The following HOGA1 variants were observed in gnomAD, a reference collection of about 807,000 sequenced individuals.
HOGA1 encodes 4-hydroxy-2-oxoglutarate aldolase, mitochondrial.
A neutral mutation model predicts 34.3 loss-of-function variants in HOGA1; 30 were observed. That is an observed-to-expected ratio of 0.87 (90% CI 0.65 to 1.19). HOGA1 has a LOEUF of 1.19. Ranked by LOEUF, HOGA1 falls within the 50% of genes most tolerant of loss-of-function variation. The pLI is 0.00. For missense variants in HOGA1, 417 were observed against 436.5 expected (o/e 0.96, Z 0.40); for synonymous variants, 161 against 174.0 (o/e 0.93, Z 0.59).
At chr10:97,610,829 A>C (rs2041189570) in intron 6 of HOGA1, among the ~76,000 whole-genome samples, 2 of 152,128 alleles carry the variant, frequency 1.3e-5, no homozygotes, top group South Asian at 4.1e-4. Context: ...TAAATGAATA[A>C]ATTATAACAA....
At position 97,611,530 on chromosome 10, in the gene HOGA1, C is replaced by T; in HGVS notation, c.855C>T (p.Ile285=). 6.2e-7 allele frequency: 1 copy of T among 1,614,242 alleles called. No homozygotes were observed. Among genetic ancestry groups the T allele is most frequent in the Non-Finnish European group, 8.5e-7 (1 of 1,180,036 alleles). ...TGCAGGTGACCCGGCGCTTTGGGAT[C>T]CCAGGGCTGAAGAAAATCATGGACT... ...PNAAVTRRFG[I]PGLKKIMDWF... is the part of the protein sequence containing the mutation. Residue 285 remains isoleucine (I), a synonymous_variant, in exon 7 of 7, where the codon ATC becomes ATT. Coordinates refer to ENST00000370646, the MANE Select transcript of HOGA1 (RefSeq NM_138413.4).
chr10:97,585,658 G>A (rs566545553), intron 1 of HOGA1, among the ~76,000 whole-genome samples: 3 of 152,170 alleles, frequency 2.0e-5, no homozygotes, highest in Middle Eastern at 6.3e-3. Flanking sequence ...AAGGTCATTC[G>A]GCTAACACAT....
intron 1 of HOGA1, among the ~76,000 whole-genome samples, chr10:97,593,029 C>CAAAAAAGAAAAAAAAAAAAAA (rs2041039343): frequency 2.1e-5 from 1 of 47,802 alleles, no homozygotes; most frequent in Non-Finnish European, 4.0e-5. Flanking sequence ...GACTCTGTCT[C>CAAAAAAGAAAAAAAAAAAAAA]AAAAAAAAAA....
At position 97,584,631 on chromosome 10, in the gene HOGA1, G is replaced by A. The variant is rs2040951575; in HGVS notation, c.-73G>A. On this transcript the variant is annotated 5_prime_UTR_variant, in exon 1 of 7. Coordinates refer to ENST00000370646, the MANE Select transcript of HOGA1 (RefSeq NM_138413.4). ...TAACTAGAAACATTGATCATTAATA[G>A]GGGGTTAGAAAGAGTTCAAACTAAG... 3.1e-6 allele frequency: 4 copies of A among 1,303,402 alleles called. No homozygotes were observed. The highest frequency in any genetic ancestry group is 4.3e-6 in the Non-Finnish European group (4 of 931,656). The allele number at this position is 1,303,402 out of a possible 1,614,324, so 80.7% of individuals were successfully genotyped here. A position where few individuals can be genotyped will look rare whatever the true frequency, so the allele number is the denominator to read the frequency against.
rs757208838 is a variant in HOGA1 at position 97,590,541 on chromosome 10, G to C, written c.211+5627G>C. The C allele has an allele frequency of 1.9e-6, 3 of 1,612,112 alleles. No individual in the cohort carries two copies. In the East Asian group the frequency reaches 6.7e-5, roughly 36 times the overall value. ...CACCATGGCCACCCAAGCCACCAGA[G>C]CCACAGCCTGCCTAATCGCAGACAC... is the stretch of plus-strand genomic sequence containing the variant. On this transcript the variant is annotated intron_variant, in intron 1 of 6. Transcript: ENST00000370646.
intron 2 of HOGA1, 25 bp from the exon 3 acceptor site, chr10:97,599,064 C>T (rs375709673): frequency 1.2e-6 from 2 of 1,611,274 alleles, no homozygotes; most frequent in South Asian, 1.1e-5. Flanking sequence ...TCTGCCTGCT[C>T]TCACCTCTCT....
At position 97,611,845 on chromosome 10, in the gene HOGA1, C is replaced by A. The variant is rs576078709; in HGVS notation, c.*186C>A. 1.4e-5 allele frequency: 9 copies of A among 633,022 alleles called. No homozygotes were observed. The highest frequency in any genetic ancestry group is 2.5e-5 in the Non-Finnish European group (9 of 363,566). The allele number at this position is 633,022 out of a possible 1,614,324, so 39.2% of individuals were successfully genotyped here. On this transcript the variant is annotated 3_prime_UTR_variant, in exon 7 of 7. Coordinates refer to ENST00000370646, the MANE Select transcript of HOGA1 (RefSeq NM_138413.4). ...CGCCCATGCATATCTCCTATTCTAA[C>A]GGCCCCTGACCTCTCCCTTTTGGAT... is the stretch of plus-strand genomic sequence containing the variant.
chr10:97,586,155 C>A lies in HOGA1; in HGVS notation c.211+1241C>A, dbSNP rs948407674. Among the ~76,000 whole-genome samples the A allele has an allele frequency of 1.9e-3, 274 of 141,158 alleles. 2 individuals carry two copies. Among genetic ancestry groups the A allele is most frequent in the African/African-American group, 6.8e-3 (261 of 38,234 alleles). 92.6% of individuals were successfully genotyped at this position (141,158 alleles called of 152,430 possible). ...CCATCTCAAAAAAAAAAAAAAAAAT[C>A]AAATCACATCTCTGGCACTGACTTA... On this transcript the variant is annotated intron_variant, in intron 1 of 6. Coordinates refer to ENST00000370646, the MANE Select transcript of HOGA1 (RefSeq NM_138413.4).
At chr10:97,599,440 A>C (rs1419437644) in intron 3 of HOGA1, 1 of 713,442 alleles carries the variant, frequency 1.4e-6, no homozygotes, top group Non-Finnish European at 2.4e-6. Flanking sequence ...ATAGGGTTGC[A>C]GTGAGCATTA....
intron 6 of HOGA1, chr10:97,602,629 T>A: frequency 2.1e-6 from 2 of 953,798 alleles, no homozygotes; most frequent in Non-Finnish European, 2.5e-6. Flanking sequence ...CCTTTGTTCC[T>A]TCCTTCCTCC....
intron 1 of HOGA1, chr10:97,590,101 G>C (rs1342243888): frequency 6.2e-7 from 1 of 1,614,124 alleles, no homozygotes; most frequent in Admixed American, 1.7e-5. Context: ...GGAGTGAAGA[G>C]GTCAGCTCCA....
intron 1 of HOGA1, 110 bp downstream of exon 1, chr10:97,585,024 C>T: frequency 1.2e-6 from 1 of 847,558 alleles, no homozygotes; most frequent in Non-Finnish European, 1.9e-6. Flanking sequence ...TAGTCTGGTA[C>T]TCAGTGGGTC....
rs955604684 is a variant in HOGA1, at chr10:97,603,245, C to A, written c.834+1255C>A. On this transcript the variant is annotated intron_variant, in intron 6 of 6. Coordinates refer to ENST00000370646, the MANE Select transcript of HOGA1 (RefSeq NM_138413.4). The surrounding 1 kb of genome is among the most constrained non-coding windows in gnomAD (Gnocchi z 4.5). Reference sequence around the variant, plus strand: ...CCTCAAACTCCTAACCTCAAGTGATCCTCCTGCCTCGGCCTCCCAATCTTT... The same window carrying A: ...CCTCAAACTCCTAACCTCAAGTGATACTCCTGCCTCGGCCTCCCAATCTTT... 6.6e-6 allele frequency among the ~76,000 whole-genome samples: 1 copy of A among 152,104 alleles called. No individual in the cohort carries two copies. Among genetic ancestry groups the A allele is most frequent in the Non-Finnish European group, 1.5e-5 (1 of 68,024 alleles).
chr10:97,587,290 T>G (rs557995673), intron 1 of HOGA1, among the ~76,000 whole-genome samples: 2 of 152,224 alleles, frequency 1.3e-5, no homozygotes, highest in African/African-American at 4.8e-5. Context: ...AAAGGTCCTC[T>G]GAAGAGGAGA....
chr10:97,590,471 G>T (rs1447679853), intron 1 of HOGA1: 1 of 1,613,638 alleles, frequency 6.2e-7, no homozygotes, highest in Non-Finnish European at 8.5e-7. Flanking sequence ...CACCATAGCT[G>T]GTGCCAATCA....
intron 1 of HOGA1, among the ~76,000 whole-genome samples, chr10:97,586,618 T>A (rs1256396134): frequency 1.3e-5 from 2 of 152,144 alleles, no homozygotes; most frequent in Admixed American, 1.3e-4. Context: ...AGCTTCAAGG[T>A]TCAAGGATGC....
Position 97,603,219 on chromosome 10 carries a change from G to T in HOGA1, c.834+1229G>T, listed in dbSNP as rs1259303252. 2.0e-5 allele frequency among the ~76,000 whole-genome samples: 3 copies of T among 152,014 alleles called. No individual in the cohort carries two copies. The highest frequency in any genetic ancestry group is 4.4e-5 in the Non-Finnish European group (3 of 68,010). Reference sequence around the variant, plus strand: ...GGGTTTCACCATGTTGGCCAGGCTGGCCTCAAACTCCTAACCTCAAGTGAT... The same window carrying T: ...GGGTTTCACCATGTTGGCCAGGCTGTCCTCAAACTCCTAACCTCAAGTGAT... On this transcript the variant is annotated intron_variant, in intron 6 of 6. Transcript: ENST00000370646. This position sits in a 1 kb window ranked among gnomAD's most constrained non-coding sequence, Gnocchi z 4.5.
chr10:97,610,197 G>C (rs1322570155), intron 6 of HOGA1, among the ~76,000 whole-genome samples: 1 of 152,218 alleles, frequency 6.6e-6, no homozygotes, highest in Non-Finnish European at 1.5e-5. Context: ...GCCAGGCGCC[G>C]TGGCTCATGC....
intron 1 of HOGA1, chr10:97,589,999 G>A: frequency 6.2e-7 from 1 of 1,614,152 alleles, no homozygotes; most frequent in Non-Finnish European, 8.5e-7. Flanking sequence ...ATGAAAGCTG[G>A]ATTAAATCCC....
Sources: allele counts gnomAD v4.1 joint callset (sites outside exome capture counted in the v4.1 genomes callset), GRCh38; gene constraint gnomAD v4.1.1; non-coding constraint Gnocchi (gnomAD v3.1); transcripts MANE v1.5; gene names NCBI Gene and HGNC (gene_info 2026-07-23, HGNC 2026-07-21).